Variants in QRSL1 observed in about 807,000 individuals in gnomAD.
QRSL1 encodes glutaminyl-tRNA amidotransferase subunit QRSL1.
A neutral mutation model predicts 61.6 loss-of-function variants in QRSL1; 54 were observed. That is an observed-to-expected ratio of 0.88 (90% CI 0.70 to 1.10). The LOEUF is 1.10. Among genes scored for constraint, QRSL1 ranks in the 50% least tolerant of loss-of-function variants. The pLI, the probability that QRSL1 is intolerant of heterozygous loss-of-function variation, is 0.00. For missense variants in QRSL1, 505 were observed against 622.6 expected, an observed-to-expected ratio of 0.81 and a Z score of 2.01; for synonymous variants, 228 against 225.7, an observed-to-expected ratio of 1.01 and a Z score of -0.09.
rs3761799 is a variant in QRSL1, at chr6:106,648,931, A to G, written c.381-94A>G. 1.2e-3 allele frequency: 1,564 copies of G among 1,315,404 alleles called. 25 individuals are homozygous for G. The East Asian group carries it at 0.028, about 24-fold the overall frequency. The allele number at this position is 1,315,404 out of a possible 1,614,324, so 81.5% of individuals were successfully genotyped here. On this transcript the variant is annotated intron_variant, in intron 4 of 10. Transcript: ENST00000369046. ...AGCTACAGTGGGTTCTTAAATGCTCAATGAGTGTCAGAAGCAAATAATATA... is the reference window on the plus strand; with the variant it reads ...AGCTACAGTGGGTTCTTAAATGCTCGATGAGTGTCAGAAGCAAATAATATA...
chr6:106,635,529 CAA>C (rs1315818587), intron 1 of QRSL1, among the ~76,000 whole-genome samples: 1 of 152,178 alleles, frequency 6.6e-6, no homozygotes, highest in Non-Finnish European at 1.5e-5. Flanking sequence ...ACTCAGCCCT[CAA>C]GAGCTCTCCT....
In QRSL1 at chr6:106,659,281, A is replaced by G. The variant is rs527948023; in HGVS notation, c.1160+3549A>G. On this transcript the variant is annotated intron_variant, in intron 9 of 10. Coordinates refer to ENST00000369046, the MANE Select transcript of QRSL1 (RefSeq NM_018292.5). Reference sequence around the variant, plus strand: ...GGAGTTCGAGACCAGCCTGGCCAACATGACAAGACCCTGTCTCTACTAAAA... The same window carrying G: ...GGAGTTCGAGACCAGCCTGGCCAACGTGACAAGACCCTGTCTCTACTAAAA... Among the ~76,000 whole-genome samples the G allele has an allele frequency of 3.9e-5, 6 of 152,224 alleles. No homozygotes were observed. In the East Asian group the frequency reaches 5.8e-4, roughly 15 times the overall value.
rs1259737988 is a variant in QRSL1, at chr6:106,667,803, T to C, written c.*1801T>C. 1 of 152,092 alleles carries C rather than the reference T, an allele frequency of 6.6e-6. No homozygotes were observed. 9.4% of individuals were successfully genotyped at this position (152,092 alleles called of 1,614,324 possible). ...TCCATGAGAGAAAATTGCATTACTT[T>C]ATAGCAAGAGGAAACCGTTTTAAGT... On this transcript the variant is annotated 3_prime_UTR_variant, in exon 11 of 11. Transcript: ENST00000369046.
At chr6:106,651,340 C>T (rs1777185200) in intron 5 of QRSL1, among the ~76,000 whole-genome samples, 2 of 152,022 alleles carry the variant, frequency 1.3e-5, no homozygotes, top group African/African-American at 4.8e-5. Flanking sequence ...ATTTAAAATG[C>T]ACATTAATAA....
chr6:106,652,435 T>C (rs1396799632), intron 6 of QRSL1, 32 bp from the exon 7 acceptor site: 2 of 1,613,586 alleles, frequency 1.2e-6, no homozygotes, highest in Admixed American at 1.7e-5. Flanking sequence ...TAAAACAATA[T>C]ATCTGTCATT....
At chr6:106,634,876 G>A (rs561884571) in intron 1 of QRSL1, among the ~76,000 whole-genome samples, 1 of 152,236 alleles carries the variant, frequency 6.6e-6, no homozygotes, top group East Asian at 1.9e-4. Flanking sequence ...TTTTGGATAT[G>A]GGGTTTGAGG....
chr6:106,631,022 C>A (rs1001324199), intron 1 of QRSL1, among the ~76,000 whole-genome samples: 1 of 152,086 alleles, frequency 6.6e-6, no homozygotes, highest in African/African-American at 2.4e-5. Flanking sequence ...GTCAGGAGAT[C>A]GAGACCATCC....
chr6:106,667,909 A>C lies in QRSL1; in HGVS notation c.*1907A>C, dbSNP rs1777466599. ...AGGAGCAAATATGATGTCAAAAGCAAGTAAATAAACAAACCGTTGCCCCAA... is the reference window on the plus strand; with the variant it reads ...AGGAGCAAATATGATGTCAAAAGCACGTAAATAAACAAACCGTTGCCCCAA... On this transcript the variant is annotated 3_prime_UTR_variant, in exon 11 of 11. Coordinates refer to ENST00000369046, the MANE Select transcript of QRSL1 (RefSeq NM_018292.5). 6.6e-6 allele frequency: 1 copy of C among 151,722 alleles called. No individual in the cohort carries two copies. Among genetic ancestry groups the C allele is most frequent in the Non-Finnish European group, 1.5e-5 (1 of 67,986 alleles). 9.4% of individuals were successfully genotyped at this position (151,722 alleles called of 1,614,324 possible).
chr6:106,641,931 A>G (rs1777026592), intron 3 of QRSL1, among the ~76,000 whole-genome samples: 1 of 152,266 alleles, frequency 6.6e-6, no homozygotes, highest in African/African-American at 2.4e-5. Flanking sequence ...TTTGGAAAAC[A>G]TACATTAGCA....
intron 9 of QRSL1, among the ~76,000 whole-genome samples, chr6:106,661,922 G>C (rs1474625255): frequency 1.3e-5 from 2 of 151,586 alleles, no homozygotes; most frequent in Admixed American, 1.3e-4. Context: ...TGTTGGTCAG[G>C]CTGGTCTTAA....
intron 1 of QRSL1, among the ~76,000 whole-genome samples, chr6:106,638,199 C>T (rs1344122460): frequency 6.6e-6 from 1 of 152,224 alleles, no homozygotes; most frequent in Non-Finnish European, 1.5e-5. Context: ...CTCTCTTCCA[C>T]CCAGCCTACT....
In QRSL1 at chr6:106,654,807, G is replaced by A. The variant is rs149046939; in HGVS notation, c.927G>A (p.Gly309=). 1.1e-5 allele frequency: 17 copies of A among 1,613,666 alleles called. No homozygotes were observed. Among genetic ancestry groups the A allele is most frequent in the Non-Finnish European group, 1.4e-5 (16 of 1,179,720 alleles). Residue 309 remains glycine (G), a synonymous_variant, in exon 8 of 11, where the codon GGG becomes GGA. Transcript: ENST00000369046. ...CTGCTGACCTCTTTGAGTCTGAGGGGGCCAAAGTAATTGAAGTATCCCTTC... is the reference window on the plus strand; with the variant it reads ...CTGCTGACCTCTTTGAGTCTGAGGGAGCCAAAGTAATTGAAGTATCCCTTC... ...SKAADLFESE[G]AKVIEVSLPH...
At chr6:106,638,490 G>GATA (rs1776958543) in intron 1 of QRSL1, among the ~76,000 whole-genome samples, 1 of 152,062 alleles carries the variant, frequency 6.6e-6, no homozygotes, top group African/African-American at 2.4e-5. Context: ...TTTTAGTAGA[G>GATA]ATAGGGTTTC....
At chr6:106,665,305 G>A (rs949128472) in intron 10 of QRSL1, among the ~76,000 whole-genome samples, 2 of 152,226 alleles carry the variant, frequency 1.3e-5, no homozygotes, top group Middle Eastern at 3.4e-3. Context: ...GGCTATAGGT[G>A]GAAGTTCAAA....
chr6:106,651,318 G>A (rs993035975), intron 5 of QRSL1, among the ~76,000 whole-genome samples: 8 of 152,048 alleles, frequency 5.3e-5, no homozygotes, highest in Admixed American at 5.2e-4. Flanking sequence ...GTATAAATAA[G>A]TGTGCAAAAT....
In QRSL1 at chr6:106,649,112, C is replaced by T; in HGVS notation, c.468C>T (p.Pro156=). 6.2e-7 allele frequency: 1 copy of T among 1,614,136 alleles called. No homozygotes were observed. The highest frequency in any genetic ancestry group is 8.5e-7 in the Non-Finnish European group (1 of 1,180,014). Residue 156 remains proline, a synonymous_variant, in exon 5 of 11, where the codon CCC becomes CCT. Transcript: ENST00000369046. ...KQYREKRKQN[P]HSENEDSDWL... The stretch of plus-strand genomic sequence containing the variant: ...ATAGAGAAAAGAGGAAGCAGAATCC[C>T]CACAGCGAGAATGAAGATTCAGACT...
chr6:106,642,859 G>A (rs538310211), intron 3 of QRSL1, 135 bp from the exon 4 acceptor site: 33 of 778,530 alleles, frequency 4.2e-5, no homozygotes, highest in African/African-American at 3.2e-4. Context: ...CCAGAGAAGC[G>A]CACTGTGTGA....
chr6:106,659,429 C>T (rs1777320323), intron 9 of QRSL1, among the ~76,000 whole-genome samples: 1 of 150,934 alleles, frequency 6.6e-6, no homozygotes, highest in South Asian at 2.1e-4. Context: ...TGTGCCACTG[C>T]ACCCCAGCCT....
Position 106,629,619 on chromosome 6 carries a change from C to G in QRSL1, c.-63C>G. The stretch of plus-strand genomic sequence containing the variant: ...GGCTGCGCCCATGTAACATCACTAG[C>G]GACCGGTGACCTCTTTTTCCCCCTT... On this transcript the variant is annotated 5_prime_UTR_variant, in exon 1 of 11. Transcript: ENST00000369046. 6.4e-7 allele frequency: 1 copy of G among 1,558,528 alleles called. No individual in the cohort carries two copies. The highest frequency in any genetic ancestry group is 8.7e-7 in the Non-Finnish European group (1 of 1,151,340).
Sources: allele counts gnomAD v4.1 joint callset (sites outside exome capture counted in the v4.1 genomes callset), GRCh38; gene constraint gnomAD v4.1.1; transcripts MANE v1.5; gene names NCBI Gene and HGNC (gene_info 2026-07-23, HGNC 2026-07-21).